Variants in FMO5 observed in about 807,000 individuals in gnomAD.
FMO5 encodes flavin containing dimethylaniline monoxygenase 5, also known as flavin-containing monooxygenase 5.
A neutral mutation model predicts 43.6 loss-of-function variants in FMO5; 51 were observed. That is an observed-to-expected ratio of 1.17 (90% CI 0.93 to 1.48). The LOEUF (loss-of-function observed/expected upper bound fraction) is 1.48. FMO5 is among the 40% of genes most tolerant of loss of function. The probability of loss-of-function intolerance (pLI) is 0.00; values close to 1 mark genes in which losing one functional copy is unlikely to be tolerated. For synonymous variants in FMO5, 187 were observed against 216.5 expected (o/e 0.86, Z 1.20); for missense variants, 644 against 643.0 (o/e 1.00, Z -0.02).
rs781855435 is a variant in FMO5 at position 147,224,980 on chromosome 1, G to A, written c.50C>T (p.Ser17Phe). The change falls in exon 2 of 9, where the codon TCT becomes TTT. Residue 17 changes from serine to phenylalanine, a missense_variant. Transcript: ENST00000254090. ...AVIGGGVSGL[S>F]SIKCCVEEGL... ...TTCTTCTACGCAGCACTTGATGGAA[G>A]AGAGCCCGCTCACTCCTCCCCCAAT... 1 of 1,614,010 alleles carries A rather than the reference G, an allele frequency of 6.2e-7. No individual in the cohort carries two copies. The highest frequency in any genetic ancestry group is 2.2e-5 in the East Asian group (1 of 44,862).
At chr1:147,193,137 C>G (rs1553918942) in intron 7 of FMO5, among the ~76,000 whole-genome samples, 1 of 152,102 alleles carries the variant, frequency 6.6e-6, no homozygotes, top group Non-Finnish European at 1.5e-5. Context: ...TCCATCTGGT[C>G]CTGGACTCTT....
chr1:147,199,308 G>C (rs947981161), intron 7 of FMO5, among the ~76,000 whole-genome samples: 1 of 152,118 alleles, frequency 6.6e-6, no homozygotes, highest in Non-Finnish European at 1.5e-5. Context: ...GAAGAGAAAG[G>C]CAAGAATGTG....
intron 3 of FMO5, 79 bp from the exon 4 acceptor site, chr1:147,213,549 C>A: frequency 1.6e-6 from 2 of 1,251,030 alleles, no homozygotes; most frequent in Non-Finnish European, 2.2e-6. Flanking sequence ...GGGCTGATAT[C>A]ACAGACACTA....
At chr1:147,226,589 A>G (rs1001033896), upstream of FMO5, among the ~76,000 whole-genome samples, 5 of 152,222 alleles carry the variant, frequency 3.3e-5, no homozygotes, top group African/African-American at 4.8e-5. Flanking sequence ...ACAAGGGCCC[A>G]TCCAGACAAG....
intron 1 of FMO5, 93 bp from the exon 2 acceptor site, chr1:147,225,159 A>G (rs1254926031): frequency 9.7e-6 from 15 of 1,539,252 alleles, no homozygotes; most frequent in African/African-American, 2.7e-5. Context: ...ATTCTGTACA[A>G]GAGGTGTCTT....
intron 7 of FMO5, among the ~76,000 whole-genome samples, chr1:147,195,584 C>G (rs1229847038): frequency 6.6e-6 from 1 of 152,142 alleles, no homozygotes; most frequent in African/African-American, 2.4e-5. Flanking sequence ...GATGCACAAA[C>G]AGTTCCAGTT....
intron 7 of FMO5, among the ~76,000 whole-genome samples, chr1:147,196,339 C>G (rs1657990143): frequency 6.6e-6 from 1 of 152,046 alleles, no homozygotes; most frequent in Non-Finnish European, 1.5e-5. Flanking sequence ...TAAGCTTAAT[C>G]ATAGGTCTCT....
At chr1:147,205,188 T>C (rs1021408027) in intron 6 of FMO5, among the ~76,000 whole-genome samples, 6 of 152,200 alleles carry the variant, frequency 3.9e-5, no homozygotes, top group Non-Finnish European at 7.3e-5. Context: ...AAAGCCTCAA[T>C]TTATTTTGCA....
rs150439781 is a variant in FMO5, at chr1:147,187,022, G to T, written c.1480C>A (p.Arg494Ser). The T allele has an allele frequency of 1.2e-6, 2 of 1,613,860 alleles. No individual in the cohort carries two copies. Among genetic ancestry groups the T allele is most frequent in the East Asian group, 4.5e-5 (2 of 44,860 alleles). Residue 494 changes from arginine to serine, a missense_variant, in exon 9 of 9, where the codon CGC becomes AGC. Transcript: ENST00000254090. ...CTTGTCATCAGAGGCTTCCTGATGCGATCATCTGTGGTGAGGATAGCTTTT... is the reference window on the plus strand; with the variant it reads ...CTTGTCATCAGAGGCTTCCTGATGCTATCATCTGTGGTGAGGATAGCTTTT... ...ARKAILTTDD[R>S]IRKPLMTRVV...
rs782472747 is a variant in FMO5, at chr1:147,201,287, T to G, written c.1048A>C (p.Ile350Leu). ...GGGAAGACCTTTTTATACAGGGATATCTTGTTTTTGACCACTTTGACGGAA... is the reference window on the plus strand; with the variant it reads ...GGGAAGACCTTTTTATACAGGGATAGCTTGTTTTTGACCACTTTGACGGAA... ...EDSVKVVKNK[I>L]SLYKKVFPPN... Residue 350 changes from isoleucine (I) to leucine (L), a missense_variant, in exon 7 of 9, where the codon ATA (isoleucine) becomes CTA (leucine). Physicochemically the swap from Ile to Leu is conservative, Grantham distance 5. Transcript: ENST00000254090. The G allele has an allele frequency of 1.5e-5, 24 of 1,614,004 alleles. 1 individual carries two copies. The East Asian group carries it at 4.7e-4, about 31-fold the overall frequency.
intron 7 of FMO5, among the ~76,000 whole-genome samples, chr1:147,193,096 C>T (rs1405566450): frequency 6.6e-6 from 1 of 152,160 alleles, no homozygotes; most frequent in Non-Finnish European, 1.5e-5. Context: ...ACCAGCTCCT[C>T]TTTGTACCTC....
intron 7 of FMO5, among the ~76,000 whole-genome samples, chr1:147,197,276 T>C (rs1553919986): frequency 6.6e-6 from 1 of 152,188 alleles, no homozygotes; most frequent in African/African-American, 2.4e-5. Context: ...TCCTATGTAG[T>C]TGTAGGGAGA....
chr1:147,194,118 C>T (rs587759678), intron 7 of FMO5, among the ~76,000 whole-genome samples: 18 of 152,212 alleles, frequency 1.2e-4, no homozygotes, highest in Non-Finnish European at 2.1e-4. Flanking sequence ...GTTAAAGTCT[C>T]CCATTATTAT....
intron 4 of FMO5, among the ~76,000 whole-genome samples, 169 bp from the exon 5 acceptor site, chr1:147,212,704 C>G (rs1237816987): frequency 6.6e-6 from 1 of 151,972 alleles, no homozygotes; most frequent in African/African-American, 2.4e-5. Context: ...TTTTCTTTTC[C>G]CATAGCCTCA....
chr1:147,215,230 G>C (rs1553924696), intron 3 of FMO5: 2 of 152,224 alleles, frequency 1.3e-5, no homozygotes, highest in African/African-American at 4.8e-5. Context: ...GTTAGTTAGT[G>C]GTAGGGCAAG....
In FMO5 at chr1:147,213,411, C is replaced by T. The variant is rs1661410497; in HGVS notation, c.384G>A (p.Val128=). ...CCTTTTTCCCTTCAGATTCAGTGAC[C>T]ACTTCCCATTGGCCTGAAGTGGCAA... ...PDFATSGQWE[V]VTESEGKKEM... The change falls in exon 4 of 9, where the codon GTG becomes GTA. Residue 128 remains valine, a synonymous_variant. Transcript: ENST00000254090. The T allele has an allele frequency of 6.2e-7, 1 of 1,613,596 alleles. No homozygotes were observed. The highest frequency in any genetic ancestry group is 8.5e-7 in the Non-Finnish European group (1 of 1,179,774).
intron 7 of FMO5, among the ~76,000 whole-genome samples, chr1:147,198,872 AAAAG>A (rs1553920320): frequency 2.1e-5 from 3 of 144,594 alleles, no homozygotes; most frequent in African/African-American, 5.3e-5. Flanking sequence ...AAAAAAAAAA[AAAAG>A]AAAGAAAGAT....
chr1:147,215,632 GT>G, intron 3 of FMO5, 121 bp downstream of exon 3: 1 of 656,152 alleles, frequency 1.5e-6, no homozygotes, highest in Non-Finnish European at 2.6e-6. Context: ...TTTTGCCTGG[GT>G]AGGATAAATA....
chr1:147,194,690 T>A (rs1172552097), intron 7 of FMO5, among the ~76,000 whole-genome samples: 1 of 152,142 alleles, frequency 6.6e-6, no homozygotes, highest in African/African-American at 2.4e-5. Flanking sequence ...GGAGCTCTTT[T>A]AGAGCAGGCC....
Sources: allele counts gnomAD v4.1 joint callset (sites outside exome capture counted in the v4.1 genomes callset), GRCh38; gene constraint gnomAD v4.1.1; transcripts MANE v1.5; gene names NCBI Gene and HGNC (gene_info 2026-07-23, HGNC 2026-07-21).